THRB: variants seen among roughly 807,000 people sequenced by gnomAD.
The protein encoded by THRB is nuclear receptor subfamily 1 group A member 2.
THRB carries 12 observed loss-of-function variants against 47.8 expected under a neutral mutation model. That is an observed-to-expected ratio of 0.25 (90% CI 0.16 to 0.41). THRB has a LOEUF of 0.41. Ranked by LOEUF, THRB falls within the 10% of genes least tolerant of loss-of-function variation. The probability of loss-of-function intolerance (pLI) is 1.00; values close to 1 mark genes in which losing one functional copy is unlikely to be tolerated. For synonymous variants in THRB, 218 were observed against 212.2 expected, an observed-to-expected ratio of 1.03 and a Z score of -0.24; for missense variants, 348 against 589.2, an observed-to-expected ratio of 0.59 and a Z score of 4.24.
At chr3:24,471,880 T>A (rs1299191763) in intron 1 of THRB, among the ~76,000 whole-genome samples, 1 of 152,182 alleles carries the variant, frequency 6.6e-6, no homozygotes, top group Non-Finnish European at 1.5e-5. Flanking sequence ...GTAGGGAAGC[T>A]ATGGATATTC....
intron 1 of THRB, among the ~76,000 whole-genome samples, chr3:24,427,369 C>A (rs1354622457): frequency 6.6e-6 from 1 of 151,990 alleles, no homozygotes; most frequent in African/African-American, 2.4e-5. Context: ...CTTCTAAGTT[C>A]TGTGATTAAA....
At chr3:24,299,792 T>A (rs1559870199) in intron 2 of THRB, among the ~76,000 whole-genome samples, 1 of 125,360 alleles carries the variant, frequency 8.0e-6, no homozygotes, top group South Asian at 2.5e-4. Context: ...TTTATTTATT[T>A]TTTTTTTTTT....
At position 24,323,613 on chromosome 3, in the gene THRB, A is replaced by G. The variant is rs545199482; in HGVS notation, c.-189+13687T>C. Among the ~76,000 whole-genome samples, 7 of 152,352 alleles carry G rather than the reference A, an allele frequency of 4.6e-5. No homozygotes were observed. In the South Asian group the frequency reaches 6.2e-4, roughly 14 times the overall value. ...CTTTGAGCAGCAAAGGATCATCTCT[A>G]AGAAACTTTCCATGTTCATTGTTCT... On this transcript the variant is annotated intron_variant, in intron 2 of 10. Coordinates refer to ENST00000646209, the MANE Select transcript of THRB (RefSeq NM_001354712.2).
At chr3:24,469,689 T>C (rs577207334) in intron 1 of THRB, among the ~76,000 whole-genome samples, 6 of 152,278 alleles carry the variant, frequency 3.9e-5, no homozygotes, top group East Asian at 3.9e-4. Flanking sequence ...AGGCAAGAAA[T>C]AGCTACTGTA....
chr3:24,306,209 T>G (rs945331570), intron 2 of THRB, among the ~76,000 whole-genome samples: 3 of 152,198 alleles, frequency 2.0e-5, no homozygotes, highest in Admixed American at 6.5e-5. Context: ...TTACCTGCAA[T>G]TCTGGTTTTC....
At chr3:24,395,180 A>G (rs1464957497) in intron 1 of THRB, among the ~76,000 whole-genome samples, 1 of 152,108 alleles carries the variant, frequency 6.6e-6, no homozygotes, top group Non-Finnish European at 1.5e-5. Flanking sequence ...AGAAGAAAAT[A>G]CAGGAGAAAA....
At chr3:24,136,158 C>T (rs2034647254) in intron 8 of THRB, among the ~76,000 whole-genome samples, 2 of 152,064 alleles carry the variant, frequency 1.3e-5, no homozygotes, top group Admixed American at 6.5e-5. Flanking sequence ...GGAAATATGG[C>T]AATTTTAAGT....
intron 1 of THRB, among the ~76,000 whole-genome samples, chr3:24,427,255 T>C (rs1371338154): frequency 2.0e-5 from 3 of 151,976 alleles, no homozygotes; most frequent in Non-Finnish European, 2.9e-5. Context: ...TTCCCAACCA[T>C]AGATGTATAA....
chr3:24,330,472 C>G (rs1334652256), intron 2 of THRB, among the ~76,000 whole-genome samples: 1 of 152,224 alleles, frequency 6.6e-6, no homozygotes, highest in African/African-American at 2.4e-5. Context: ...CCATTCAGAT[C>G]TGCGGGTATT....
intron 3 of THRB, among the ~76,000 whole-genome samples, chr3:24,253,597 G>A (rs2050890812): frequency 6.6e-6 from 1 of 152,200 alleles, no homozygotes; most frequent in African/African-American, 2.4e-5. Flanking sequence ...GGAGGCAGCA[G>A]ATACTCTGCT....
intron 10 of THRB, among the ~76,000 whole-genome samples, chr3:24,126,264 C>T (rs1018928846): frequency 6.6e-5 from 10 of 151,856 alleles, no homozygotes; most frequent in South Asian, 2.1e-4. Context: ...GGGGTGGTGG[C>T]GTGTGCTTGG....
intron 1 of THRB, among the ~76,000 whole-genome samples, chr3:24,423,329 G>C (rs552182229): frequency 6.6e-6 from 1 of 151,840 alleles, no homozygotes; most frequent in African/African-American, 2.4e-5. Flanking sequence ...GGAAGGATGA[G>C]AGAACACTTC....
chr3:24,165,550 T>A (rs1375259558), intron 5 of THRB: 3 of 556,144 alleles, frequency 5.4e-6, no homozygotes, highest in Non-Finnish European at 9.5e-6. Flanking sequence ...TAGCACCTGA[T>A]GTGCTAAAAT....
intron 1 of THRB, among the ~76,000 whole-genome samples, chr3:24,469,016 A>T (rs2074361297): frequency 6.6e-6 from 1 of 152,320 alleles, no homozygotes; most frequent in Admixed American, 6.5e-5. Flanking sequence ...TCCAAACTCC[A>T]GTGACACACG....
chr3:24,312,225 C>T (rs865901586), intron 2 of THRB, among the ~76,000 whole-genome samples: 6 of 152,246 alleles, frequency 3.9e-5, no homozygotes, highest in Non-Finnish European at 5.9e-5. Context: ...GGTGTTCTCA[C>T]GGCACCTTGT....
chr3:24,240,113 GAA>G (rs995606995), intron 3 of THRB, among the ~76,000 whole-genome samples: 3 of 152,150 alleles, frequency 2.0e-5, no homozygotes, highest in African/African-American at 7.2e-5. Flanking sequence ...GAAAATCAGT[GAA>G]AAGTCTAGAA....
intron 9 of THRB, among the ~76,000 whole-genome samples, chr3:24,128,321 C>T (rs561838954): frequency 9.2e-5 from 14 of 152,272 alleles, no homozygotes; most frequent in Admixed American, 5.2e-4. Flanking sequence ...TCTAAAGTCA[C>T]CCAGGGACTT....
At chr3:24,420,108 T>C (rs1560143995) in intron 1 of THRB, among the ~76,000 whole-genome samples, 1 of 151,926 alleles carries the variant, frequency 6.6e-6, no homozygotes, top group Non-Finnish European at 1.5e-5. Context: ...ATGACATAAA[T>C]TTATGCCTGG....
intron 10 of THRB, among the ~76,000 whole-genome samples, chr3:24,123,415 G>A (rs756422665): frequency 6.6e-6 from 1 of 152,188 alleles, no homozygotes; most frequent in African/African-American, 2.4e-5. Flanking sequence ...CCCTCCTAGG[G>A]TACAGAAGGA....
Sources: gnomAD v4.1 joint callset for allele counts (sites outside exome capture counted in the v4.1 genomes callset) on GRCh38, gnomAD v4.1.1 for gene constraint, MANE v1.5 for transcripts, NCBI Gene and HGNC (gene_info 2026-07-23, HGNC 2026-07-21) for gene names.